Variants in LIPC observed in about 807,000 individuals in gnomAD.
LIPC encodes the protein lipase C, hepatic type.
A neutral mutation model predicts 50.7 loss-of-function variants in LIPC; 44 were observed. The observed-to-expected ratio is 0.87, with a 90% confidence interval of 0.68 to 1.11. The LOEUF (loss-of-function observed/expected upper bound fraction) is 1.11, where lower values mean the gene tolerates loss of function less well. Ranked by LOEUF, LIPC falls within the 50% of genes most tolerant of loss-of-function variation. The pLI is 0.00. For missense variants in LIPC, 697 were observed against 648.2 expected (o/e 1.08, Z -0.82); for synonymous variants, 271 against 256.4 (o/e 1.06, Z -0.54).
chr15:58,563,279 T>C (rs1205768395), intron 7 of LIPC, among the ~76,000 whole-genome samples: 1 of 152,208 alleles, frequency 6.6e-6, no homozygotes, highest in Non-Finnish European at 1.5e-5. Context: ...TTTGATGTGT[T>C]AACCAGAAAA....
intron 4 of LIPC, among the ~76,000 whole-genome samples, chr15:58,544,023 A>G (rs1893432530): frequency 6.6e-6 from 1 of 152,244 alleles, no homozygotes; most frequent in Non-Finnish European, 1.5e-5. Flanking sequence ...AGACGTTTCA[A>G]CAGAATACAC....
intron 4 of LIPC, among the ~76,000 whole-genome samples, chr15:58,543,129 C>T (rs1893394674): frequency 6.6e-6 from 1 of 152,106 alleles, no homozygotes; most frequent in Non-Finnish European, 1.5e-5. Context: ...AAAACTTCAC[C>T]CCAAACTCCA....
intron 1 of LIPC, among the ~76,000 whole-genome samples, chr15:58,517,441 A>G (rs1892517688): frequency 1.3e-5 from 2 of 152,240 alleles, no homozygotes; most frequent in South Asian, 4.1e-4. Flanking sequence ...ATAAAATCCA[A>G]CTTTCAGTGC....
At chr15:58,514,538 T>C (rs1892428335) in intron 1 of LIPC, among the ~76,000 whole-genome samples, 1 of 152,182 alleles carries the variant, frequency 6.6e-6, no homozygotes, top group South Asian at 2.1e-4. Context: ...AAAAAGTTAA[T>C]GCAGGCCAGG....
intron 1 of LIPC, among the ~76,000 whole-genome samples, chr15:58,501,851 C>G (rs377661456): frequency 6.6e-6 from 1 of 152,158 alleles, no homozygotes; most frequent in Non-Finnish European, 1.5e-5. Context: ...GAGCCTCTGC[C>G]TCTCCACCCT....
intron 1 of LIPC, among the ~76,000 whole-genome samples, chr15:58,508,961 C>A (rs892188019): frequency 3.9e-5 from 6 of 152,156 alleles, no homozygotes; most frequent in Non-Finnish European, 5.9e-5. Context: ...CCCTCATTCA[C>A]AACATCCCAA....
intron 4 of LIPC, among the ~76,000 whole-genome samples, chr15:58,545,094 T>A (rs959058632): frequency 5.9e-5 from 9 of 152,350 alleles, no homozygotes; most frequent in Middle Eastern, 3.4e-3. Flanking sequence ...CAAATAAATT[T>A]CATTCTTTGA....
rs116101152 is a variant in LIPC at position 58,434,189 on chromosome 15, T to C, written c.88+2069T>C. On this transcript the variant is annotated intron_variant, in intron 1 of 8. Transcript: ENST00000299022. ...ACAGGACAGCCCTCACAACAATGAA[T>C]TGTCTGGCCCAAAACATTATTAGTG... 6.2e-3 allele frequency among the ~76,000 whole-genome samples: 948 copies of C among 152,056 alleles called. 15 individuals carry two copies. The highest frequency in any genetic ancestry group is 0.022 in the African/African-American group (912 of 41,508).
At chr15:58,553,004 C>T (rs917175080) in intron 6 of LIPC, among the ~76,000 whole-genome samples, 7 of 152,226 alleles carry the variant, frequency 4.6e-5, no homozygotes, top group Middle Eastern at 3.2e-3. Flanking sequence ...TTCTGGAAGG[C>T]AGGCATTTTT....
At chr15:58,444,405 G>C (rs1401601654) in intron 1 of LIPC, among the ~76,000 whole-genome samples, 3 of 152,140 alleles carry the variant, frequency 2.0e-5, no homozygotes, top group Non-Finnish European at 4.4e-5. Context: ...CTTGTGCTAG[G>C]ACCCCAACAT....
At chr15:58,551,470 C>T (rs1386427227) in intron 6 of LIPC, among the ~76,000 whole-genome samples, 1 of 152,196 alleles carries the variant, frequency 6.6e-6, no homozygotes, top group Non-Finnish European at 1.5e-5. Context: ...CACAAGCCAC[C>T]TTTCAAGTGC....
intron 1 of LIPC, among the ~76,000 whole-genome samples, chr15:58,500,155 G>A (rs998242784): frequency 3.9e-5 from 6 of 152,232 alleles, no homozygotes; most frequent in African/African-American, 1.4e-4. Flanking sequence ...CAGTAAGGAG[G>A]GGTGGAAAGA....
chr15:58,440,286 T>C (rs1893459246), intron 1 of LIPC, among the ~76,000 whole-genome samples: 2 of 152,294 alleles, frequency 1.3e-5, no homozygotes, highest in South Asian at 2.1e-4. Context: ...TCTTTTCCTA[T>C]GAGTGAGGCA....
At chr15:58,539,482 T>G (rs577426634) in intron 2 of LIPC, among the ~76,000 whole-genome samples, 2 of 152,218 alleles carry the variant, frequency 1.3e-5, no homozygotes, top group Non-Finnish European at 2.9e-5. Flanking sequence ...TCAAACCATG[T>G]GAGAACTTGT....
intron 1 of LIPC, among the ~76,000 whole-genome samples, chr15:58,517,659 G>A (rs1892526116): frequency 6.6e-6 from 1 of 152,190 alleles, no homozygotes; most frequent in African/African-American, 2.4e-5. Flanking sequence ...TATGACCCTG[G>A]AAATTGAACA....
At chr15:58,515,990 G>A (rs1299338792) in intron 1 of LIPC, among the ~76,000 whole-genome samples, 2 of 152,024 alleles carry the variant, frequency 1.3e-5, no homozygotes, top group Non-Finnish European at 2.9e-5. Flanking sequence ...TGTAATCATC[G>A]TCTGACCACC....
At chr15:58,525,296 C>G (rs1380317553) in intron 1 of LIPC, among the ~76,000 whole-genome samples, 1 of 152,198 alleles carries the variant, frequency 6.6e-6, no homozygotes, top group Non-Finnish European at 1.5e-5. Flanking sequence ...GGTTTCTATT[C>G]TGCTTCTTTA....
chr15:58,440,702 T>C (rs1254301394), intron 1 of LIPC, among the ~76,000 whole-genome samples: 2 of 152,162 alleles, frequency 1.3e-5, no homozygotes, highest in East Asian at 1.9e-4. Flanking sequence ...ACATGCAAAA[T>C]GTTACAAGAG....
chr15:58,506,585 T>C (rs1892154916), intron 1 of LIPC, among the ~76,000 whole-genome samples: 1 of 152,180 alleles, frequency 6.6e-6, no homozygotes, highest in Non-Finnish European at 1.5e-5. Flanking sequence ...TTCTGAGATA[T>C]CCAGGTAGGC....
Sources: gnomAD v4.1 joint callset for allele counts (sites outside exome capture counted in the v4.1 genomes callset) on GRCh38, gnomAD v4.1.1 for gene constraint, MANE v1.5 for transcripts, NCBI Gene and HGNC (gene_info 2026-07-23, HGNC 2026-07-21) for gene names.